TTC38: variants seen among roughly 807,000 people sequenced by gnomAD.
TTC38 encodes tetratricopeptide repeat domain 38.
In TTC38, 64 loss-of-function variants were observed where a neutral mutation model predicts 64.2. The observed-to-expected ratio is 1.00, with a 90% CI of 0.81 to 1.23. The LOEUF (loss-of-function observed/expected upper bound fraction) is 1.23, where lower values mean the gene tolerates loss of function less well. Among genes scored for constraint, TTC38 ranks in the 50% most tolerant of loss-of-function variants. TTC38 has a pLI of 0.00. For missense variants in TTC38, 573 were observed against 615.5 expected, an observed-to-expected ratio of 0.93 and a Z score of 0.73; for synonymous variants, 254 against 249.3, an observed-to-expected ratio of 1.02 and a Z score of -0.18.
chr22:46,288,086 C>CG (rs1221966168), intron 10 of TTC38, among the ~76,000 whole-genome samples: 1 of 151,752 alleles, frequency 6.6e-6, no homozygotes, highest in Non-Finnish European at 1.5e-5. Flanking sequence ...TTGGGGAGGT[C>CG]GGGGGATCCA....
chr22:46,276,895 G>T lies in TTC38; in HGVS notation c.539+1474G>T, dbSNP rs1192810558. 1.4e-5 allele frequency among the ~76,000 whole-genome samples: 2 copies of T among 146,022 alleles called. No individual in the cohort carries two copies. Among genetic ancestry groups the T allele is most frequent in the Admixed American group, 6.9e-5 (1 of 14,432 alleles). ...ACCGCAACACCTAGACTGGTGTTTCGCCAAACAGCTGAGCACCACGGGCCA... is the reference window on the plus strand; with the variant it reads ...ACCGCAACACCTAGACTGGTGTTTCTCCAAACAGCTGAGCACCACGGGCCA... On this transcript the variant is annotated intron_variant, in intron 5 of 13. Transcript: ENST00000381031. This position sits in a 1 kb window ranked among gnomAD's most constrained non-coding sequence, Gnocchi z 4.7.
Position 46,274,136 on chromosome 22 carries a change from C to G in TTC38, c.365+67C>G. On this transcript the variant is annotated intron_variant, in intron 4 of 13. Transcript: ENST00000381031. The surrounding 1 kb of genome is among the most constrained non-coding windows in gnomAD (Gnocchi z 4.8). Reference sequence around the variant, plus strand: ...GAGCTGGGGGAGTGGCAGGGTATCCCTTTCCTGATGCCCTTGGGACGGGGG... The same window carrying G: ...GAGCTGGGGGAGTGGCAGGGTATCCGTTTCCTGATGCCCTTGGGACGGGGG... 2.4e-6 allele frequency: 3 copies of G among 1,248,688 alleles called. No homozygotes were observed. The highest frequency in any genetic ancestry group is 3.5e-6 in the Non-Finnish European group (3 of 868,548). 77.4% of individuals were successfully genotyped at this position (1,248,688 alleles called of 1,614,324 possible).
Position 46,273,787 on chromosome 22 carries a change from C to G in TTC38, c.194-111C>G. 1 of 1,075,358 alleles carries G rather than the reference C, an allele frequency of 9.3e-7. No individual in the cohort carries two copies. Among genetic ancestry groups the G allele is most frequent in the South Asian group, 1.5e-5 (1 of 65,576 alleles). The allele number at this position is 1,075,358 out of a possible 1,614,324, so 66.6% of individuals were successfully genotyped here. On this transcript the variant is annotated intron_variant, in intron 3 of 13. Transcript: ENST00000381031. The surrounding 1 kb of genome is among the most constrained non-coding windows in gnomAD (Gnocchi z 5.1). ...GCCACAGTGCCCAGCCTGCTGCTGC[C>G]TGGCTGGCCCCTCCTGGGACGTGGG...
chr22:46,276,369 G>A lies in TTC38; in HGVS notation c.539+948G>A, dbSNP rs1366143915. ...GGCCCACCCACATGGAGGGTAATCT[G>A]CTTTACTCAAATCGCATCTAGAAAT... On this transcript the variant is annotated intron_variant, in intron 5 of 13. Transcript: ENST00000381031. This position sits in a 1 kb window ranked among gnomAD's most constrained non-coding sequence, Gnocchi z 4.7. Among the ~76,000 whole-genome samples, 1 of 152,124 alleles carries A rather than the reference G, an allele frequency of 6.6e-6. No homozygotes were observed. The highest frequency in any genetic ancestry group is 2.4e-5 in the African/African-American group (1 of 41,422).
Position 46,289,261 on chromosome 22 carries a change from C to T in TTC38, c.1083-141C>T, listed in dbSNP as rs948880106. ...CCTGTCCTGTCCCCTCGATGGGCTG[C>T]CCCGCCTGTCACCTCACCTCATCAG... On this transcript the variant is annotated intron_variant, in intron 11 of 13. Coordinates refer to ENST00000381031, the MANE Select transcript of TTC38 (RefSeq NM_017931.4). The T allele has an allele frequency of 5.5e-6, 6 of 1,098,414 alleles. No individual in the cohort carries two copies. In the African/African-American group the frequency reaches 6.2e-5, roughly 11 times the overall value. The allele number at this position is 1,098,414 out of a possible 1,614,324, so 68.0% of individuals were successfully genotyped here.
Position 46,281,479 on chromosome 22 carries a change from C to T in TTC38, c.616-120C>T, listed in dbSNP as rs1429140559. 1.4e-5 allele frequency: 16 copies of T among 1,112,256 alleles called. No homozygotes were observed. The highest frequency in any genetic ancestry group is 1.4e-4 in the African/African-American group (9 of 64,364). The allele number at this position is 1,112,256 out of a possible 1,614,324, so 68.9% of individuals were successfully genotyped here. A position where few individuals can be genotyped will look rare whatever the true frequency, so the allele number is the denominator to read the frequency against. On this transcript the variant is annotated intron_variant, in intron 6 of 13. Coordinates refer to ENST00000381031, the MANE Select transcript of TTC38 (RefSeq NM_017931.4). The surrounding 1 kb of genome is among the most constrained non-coding windows in gnomAD (Gnocchi z 5.2). Reference sequence around the variant, plus strand: ...TGTTTTGAGTCAGAGCCCCGCCCCCCCACTTGCTCCACCCCGTTCAGCCCA... The same window carrying T: ...TGTTTTGAGTCAGAGCCCCGCCCCCTCACTTGCTCCACCCCGTTCAGCCCA...
intron 7 of TTC38, among the ~76,000 whole-genome samples, chr22:46,283,174 G>A (rs975941119): frequency 6.6e-6 from 1 of 151,952 alleles, no homozygotes; most frequent in Non-Finnish European, 1.5e-5. Context: ...CTTGGGCTCA[G>A]TTGATCCTTC....
chr22:46,273,844 G>A lies in TTC38; in HGVS notation c.194-54G>A. 6.3e-7 allele frequency: 1 copy of A among 1,591,666 alleles called. No individual in the cohort carries two copies. The highest frequency in any genetic ancestry group is 1.1e-5 in the South Asian group (1 of 90,026). On this transcript the variant is annotated intron_variant, in intron 3 of 13. Transcript: ENST00000381031. This position sits in a 1 kb window ranked among gnomAD's most constrained non-coding sequence, Gnocchi z 5.1. The stretch of plus-strand genomic sequence containing the variant: ...CTGTGACATGTGGAGTCTGGGCTGG[G>A]ATGGGCTGAGCTGGACCATCTGAAC...
At chr22:46,286,627 A>C (rs1054346089) in intron 9 of TTC38, among the ~76,000 whole-genome samples, 1 of 149,678 alleles carries the variant, frequency 6.7e-6, no homozygotes, top group African/African-American at 2.5e-5. Context: ...CGCCATTTGC[A>C]CTCCAGCCTG....
Position 46,291,186 on chromosome 22 carries a change from G to A in TTC38, c.1316+1287G>A, listed in dbSNP as rs2077612385. ...CTCCCCGCTTTCCCCTTCCATGGCT[G>A]TAGACAAAACCATGCGTGTTTCTTT... On this transcript the variant is annotated intron_variant, in intron 13 of 13. Coordinates refer to ENST00000381031, the MANE Select transcript of TTC38 (RefSeq NM_017931.4). This position sits in a 1 kb window ranked among gnomAD's most constrained non-coding sequence, Gnocchi z 4.6. Among the ~76,000 whole-genome samples the A allele has an allele frequency of 6.6e-6, 1 of 152,254 alleles. No individual in the cohort carries two copies. The highest frequency in any genetic ancestry group is 6.5e-5 in the Admixed American group (1 of 15,290).
rs1245594798 is a variant in TTC38, at chr22:46,276,305, C to A, written c.539+884C>A. On this transcript the variant is annotated intron_variant, in intron 5 of 13. Coordinates refer to ENST00000381031, the MANE Select transcript of TTC38 (RefSeq NM_017931.4). This position sits in a 1 kb window ranked among gnomAD's most constrained non-coding sequence, Gnocchi z 4.7. ...CAGGCAGAATTTCTTCTTCTAGGGG[C>A]CTCCGTCTTTCTCTTAAGGCCTTTA... is the stretch of plus-strand genomic sequence containing the variant. 6.6e-6 allele frequency among the ~76,000 whole-genome samples: 1 copy of A among 152,122 alleles called. No homozygotes were observed. Among genetic ancestry groups the A allele is most frequent in the African/African-American group, 2.4e-5 (1 of 41,416 alleles).
Position 46,292,839 on chromosome 22 carries a change from C to T in TTC38, c.1365C>T (p.Thr455=), listed in dbSNP as rs200725963. The change falls in exon 14 of 14, where the codon ACC becomes ACT. Residue 455 remains threonine (T), a synonymous_variant. Transcript: ENST00000381031. The surrounding 1 kb of genome is among the most constrained non-coding windows in gnomAD (Gnocchi z 6.5). ...RDALKPNSPL[T]ERLIRKAATV... ...CCTTGAAGCCCAACTCGCCCCTGAC[C>T]GAGCGGCTCATCCGCAAGGCAGCTA... 245 of 1,614,008 alleles carry T rather than the reference C, an allele frequency of 1.5e-4. No individual in the cohort carries two copies. The highest frequency in any genetic ancestry group is 1.9e-4 in the Non-Finnish European group (225 of 1,179,944).
chr22:46,283,526 A>G (rs575796445), intron 7 of TTC38, among the ~76,000 whole-genome samples: 8 of 152,284 alleles, frequency 5.3e-5, no homozygotes, highest in Admixed American at 6.5e-5. Context: ...GGAGGCACCT[A>G]GTGCAGAATA....
rs188692421 is a variant in TTC38, at chr22:46,271,896, C to A, written c.112-439C>A. On this transcript the variant is annotated intron_variant, in intron 2 of 13. Transcript: ENST00000381031. This position sits in a 1 kb window ranked among gnomAD's most constrained non-coding sequence, Gnocchi z 5.5. ...GCCTTGGGTGATGTGTATTTCATTT[C>A]TTCGTATGAAGAAAGTTATCAGCCA... 2.6e-4 allele frequency among the ~76,000 whole-genome samples: 40 copies of A among 152,328 alleles called. No homozygotes were observed. Among genetic ancestry groups the A allele is most frequent in the Admixed American group, 1.3e-3 (20 of 15,300 alleles).
At position 46,268,550 on chromosome 22, in the gene TTC38, A is replaced by G. The variant is rs761468593; in HGVS notation, c.70A>G (p.Ser24Gly). 5 of 1,614,072 alleles carry G rather than the reference A, an allele frequency of 3.1e-6. No homozygotes were observed. In the East Asian group the frequency reaches 8.9e-5, roughly 29 times the overall value. ...KDARLPLSTT[S>G]NEACKLFDAT... ...TGCGAGGCTCCCGCTCTCCACCACA[A>G]GCAACGAAGCCTGCAAGCTGTTCGA... Residue 24 changes from serine (S) to glycine (G), a missense_variant, in exon 2 of 14, where the codon AGC becomes GGC. Around this residue, in one of 3 missense-constraint regions of TTC38, gnomAD observed 134 missense variants for 126.5 expected, o/e 1.06. Coordinates refer to ENST00000381031, the MANE Select transcript of TTC38 (RefSeq NM_017931.4).
intron 13 of TTC38, among the ~76,000 whole-genome samples, chr22:46,290,638 T>G (rs1001395520): frequency 8.7e-6 from 1 of 114,514 alleles, no homozygotes. Context: ...GGCTGGAAGG[T>G]GTGTTAGGGT....
chr22:46,280,900 T>C (rs2077529243), intron 6 of TTC38, among the ~76,000 whole-genome samples: 1 of 152,258 alleles, frequency 6.6e-6, no homozygotes, highest in African/African-American at 2.4e-5. Context: ...TTCTAAGCTC[T>C]GACTGTGGCT....
At chr22:46,290,561 G>GCA (rs776706099) in intron 13 of TTC38, among the ~76,000 whole-genome samples, 6,127 of 143,282 alleles carry the variant, frequency 0.043, 185 homozygotes, top group Non-Finnish European at 0.067. Flanking sequence ...TTAGGAGGGT[G>GCA]GTGTGGCTGG....
intron 7 of TTC38, among the ~76,000 whole-genome samples, chr22:46,283,056 A>G (rs1417420182): frequency 6.6e-6 from 1 of 152,044 alleles, no homozygotes; most frequent in Non-Finnish European, 1.5e-5. Flanking sequence ...GGCCTCCCAA[A>G]TAGCAGGGAC....
Sources: allele counts gnomAD v4.1 joint callset (sites outside exome capture counted in the v4.1 genomes callset), GRCh38; gene constraint gnomAD v4.1.1; regional missense constraint gnomAD v4.1.1; non-coding constraint Gnocchi (gnomAD v3.1); transcripts MANE v1.5; gene names NCBI Gene and HGNC (gene_info 2026-07-23, HGNC 2026-07-21).